The following MAGI2 variants were observed in gnomAD, a reference collection of about 807,000 sequenced individuals.
MAGI2 encodes membrane associated guanylate kinase, WW and PDZ domain containing 2.
Under a neutral mutation model 133.3 loss-of-function variants are expected in MAGI2, and 35 were observed. That is an observed-to-expected ratio of 0.26 (90% CI 0.20 to 0.35). MAGI2 has a LOEUF of 0.35. MAGI2 is among the 10% of genes least tolerant of loss of function. MAGI2 has a pLI of 1.00. For missense variants in MAGI2, 1,636 were observed against 1,863.4 expected, an observed-to-expected ratio of 0.88 and a Z score of 2.25; for synonymous variants, 729 against 710.6, an observed-to-expected ratio of 1.03 and a Z score of -0.41.
intron 3 of MAGI2, among the ~76,000 whole-genome samples, chr7:78,567,671 T>C (rs939627722): frequency 2.6e-5 from 4 of 152,180 alleles, no homozygotes; most frequent in African/African-American, 9.7e-5. Flanking sequence ...CAGTGGCTGC[T>C]CTTTCCCCTG....
chr7:78,462,264 C>A (rs1004765883), intron 6 of MAGI2, among the ~76,000 whole-genome samples: 1 of 152,066 alleles, frequency 6.6e-6, no homozygotes. Context: ...AGTCATCAGA[C>A]AAAAACCAGT....
chr7:78,703,821 CATACACACACAA>C (rs1485790344), intron 2 of MAGI2, among the ~76,000 whole-genome samples: 2 of 83,676 alleles, frequency 2.4e-5, no homozygotes, highest in Non-Finnish European at 5.1e-5. Context: ...TACACACACA[CATACACACACAA>C]ACACACACAC....
intron 1 of MAGI2, chr7:79,353,691 G>T (rs1233572733): frequency 1.3e-5 from 4 of 310,406 alleles, no homozygotes; most frequent in South Asian, 8.3e-5. Context: ...TCTGCAGCCT[G>T]GTCACCATGT....
chr7:79,432,514 G>A (rs1847844949), intron 1 of MAGI2, among the ~76,000 whole-genome samples: 1 of 152,208 alleles, frequency 6.6e-6, no homozygotes, highest in Non-Finnish European at 1.5e-5. Flanking sequence ...GAGTGGAGCT[G>A]CTCATAATAT....
intron 1 of MAGI2, among the ~76,000 whole-genome samples, chr7:79,067,030 A>G (rs913323779): frequency 6.6e-6 from 1 of 152,052 alleles, no homozygotes; most frequent in African/African-American, 2.4e-5. Flanking sequence ...TATAGTTTGA[A>G]ACAGGTGGCA....
chr7:78,376,347 T>C (rs1794448677), intron 6 of MAGI2, among the ~76,000 whole-genome samples: 1 of 152,138 alleles, frequency 6.6e-6, no homozygotes, highest in Non-Finnish European at 1.5e-5. Context: ...CCAGTCAATA[T>C]CATGGAAATG....
chr7:79,028,235 G>GTATATATATA (rs1174096501), intron 1 of MAGI2, among the ~76,000 whole-genome samples: 91 of 29,236 alleles, frequency 3.1e-3, no homozygotes, highest in East Asian at 0.019. Context: ...ATATATGTAT[G>GTATATATATA]TATATATATA....
intron 21 of MAGI2, among the ~76,000 whole-genome samples, chr7:78,070,527 TATATGTGTAC>T (rs971004380): frequency 7.9e-6 from 1 of 126,656 alleles, no homozygotes; most frequent in Admixed American, 7.7e-5. Flanking sequence ...TATATATGTA[TATATGTGTAC>T]ATATGTATAT....
intron 7 of MAGI2, among the ~76,000 whole-genome samples, chr7:78,352,359 G>GAGC (rs1791607273): frequency 6.6e-6 from 1 of 152,130 alleles, no homozygotes; most frequent in Non-Finnish European, 1.5e-5. Context: ...TTTTAAATAC[G>GAGC]TTATTATAAA....
chr7:78,555,829 T>C (rs1166094501), intron 3 of MAGI2, among the ~76,000 whole-genome samples: 1 of 152,248 alleles, frequency 6.6e-6, no homozygotes, highest in Non-Finnish European at 1.5e-5. Context: ...TAAACACTCA[T>C]TTCTAACTGC....
chr7:79,066,720 T>C (rs1814375701), intron 1 of MAGI2, among the ~76,000 whole-genome samples: 1 of 152,196 alleles, frequency 6.6e-6, no homozygotes, highest in South Asian at 2.1e-4. Context: ...TAGATTTTCT[T>C]CTAGGGTTTT....
chr7:78,585,504 A>C (rs1271456379), intron 3 of MAGI2, among the ~76,000 whole-genome samples: 1 of 152,164 alleles, frequency 6.6e-6, no homozygotes, highest in Admixed American at 6.6e-5. Flanking sequence ...TGGCAGCAGC[A>C]TAGGAACCGG....
chr7:79,216,196 A>C (rs1830025538), intron 1 of MAGI2, among the ~76,000 whole-genome samples: 1 of 151,812 alleles, frequency 6.6e-6, no homozygotes, highest in Non-Finnish European at 1.5e-5. Flanking sequence ...TGTTGAGAGG[A>C]GTTTGGCTGG....
chr7:79,391,508 CATATATATAT>C (rs1286692402), intron 1 of MAGI2, among the ~76,000 whole-genome samples: 80 of 69,174 alleles, frequency 1.2e-3, no homozygotes, highest in African/African-American at 6.1e-3. Context: ...TATATATAGA[CATATATATAT>C]ATATATATAT....
At chr7:78,525,923 G>T (rs768679582) in intron 3 of MAGI2, among the ~76,000 whole-genome samples, 1 of 152,138 alleles carries the variant, frequency 6.6e-6, no homozygotes, top group Non-Finnish European at 1.5e-5. Flanking sequence ...CCACAGTGCT[G>T]TTATATAGAT....
intron 6 of MAGI2, among the ~76,000 whole-genome samples, chr7:78,455,047 G>A (rs977951900): frequency 4.6e-5 from 7 of 152,034 alleles, no homozygotes; most frequent in South Asian, 4.1e-4. Flanking sequence ...CAGGGAACCC[G>A]AAAGTAAACA....
At chr7:79,434,427 A>C (rs2129189768) in intron 1 of MAGI2, among the ~76,000 whole-genome samples, 1 of 152,358 alleles carries the variant, frequency 6.6e-6, no homozygotes, top group South Asian at 2.1e-4. Flanking sequence ...AATGATAGTA[A>C]AAAAACTAGG....
At chr7:78,123,164 A>G (rs1314024922) in intron 20 of MAGI2, among the ~76,000 whole-genome samples, 2 of 152,094 alleles carry the variant, frequency 1.3e-5, no homozygotes, top group Non-Finnish European at 2.9e-5. Context: ...GCATTCACAG[A>G]TTGTGTTTTG....
intron 1 of MAGI2, among the ~76,000 whole-genome samples, chr7:79,119,771 G>T (rs532887602): frequency 6.6e-6 from 1 of 151,974 alleles, no homozygotes; most frequent in African/African-American, 2.4e-5. Flanking sequence ...AGAAAGAAGA[G>T]AACTTGGCTC....
Sources: gnomAD v4.1 joint callset for allele counts (sites outside exome capture counted in the v4.1 genomes callset) on GRCh38, gnomAD v4.1.1 for gene constraint, MANE v1.5 for transcripts, NCBI Gene and HGNC (gene_info 2026-07-23, HGNC 2026-07-21) for gene names.